The following L3HYPDH variants were observed in gnomAD, a reference collection of about 807,000 sequenced individuals.
The protein encoded by L3HYPDH is trans-L-3-hydroxyproline dehydratase, also known as trans-3-hydroxy-L-proline dehydratase.
L3HYPDH carries 32 observed loss-of-function variants against 26.5 expected under a neutral mutation model. The observed-to-expected ratio is 1.21, with a 90% CI of 0.91 to 1.62. L3HYPDH has a LOEUF of 1.62. Among genes scored for constraint, L3HYPDH ranks in the 40% most tolerant of loss-of-function variants. L3HYPDH has a pLI of 0.00. For missense variants in L3HYPDH, 554 were observed against 476.4 expected, an observed-to-expected ratio of 1.16 and a Z score of -1.52; for synonymous variants, 215 against 196.6, an observed-to-expected ratio of 1.09 and a Z score of -0.78.
the L3HYPDH span, among the ~76,000 whole-genome samples, chr14:59,493,363 A>G: frequency 6.6e-6 from 1 of 152,204 alleles, no homozygotes; most frequent in African/African-American, 2.4e-5. Flanking sequence ...GTCCTTTTAA[A>G]TGCTGCAGCA....
the L3HYPDH span, among the ~76,000 whole-genome samples, chr14:59,494,259 A>G: frequency 1.7e-5 from 2 of 118,926 alleles, no homozygotes; most frequent in South Asian, 2.2e-4. Context: ...AGGCTTCACA[A>G]AGAAAGTGAA....
intron 4 of L3HYPDH, chr14:59,475,285 C>A (rs1038704220): frequency 6.6e-6 from 1 of 151,904 alleles, no homozygotes; most frequent in Non-Finnish European, 1.5e-5. Context: ...GATTTGAGGA[C>A]CCCAAAGAGT....
At position 59,484,353 on chromosome 14, in the gene L3HYPDH, T is replaced by G. The variant is rs757830304; in HGVS notation, c.-37A>C. 18 of 1,548,008 alleles carry G rather than the reference T, an allele frequency of 1.2e-5. No individual in the cohort carries two copies. In the East Asian group the frequency reaches 3.6e-4, roughly 31 times the overall value. On this transcript the variant is annotated 5_prime_UTR_variant, in exon 1 of 5. Coordinates refer to ENST00000247194, the MANE Select transcript of L3HYPDH (RefSeq NM_144581.2). ...GGGGAGACGAGTACGGTCCCGCAGC[T>G]ATGGCTTCAAGCCCGACCCTCACCC...
chr14:59,484,465 A>G, upstream of L3HYPDH: 1 of 1,393,996 alleles, frequency 7.2e-7, no homozygotes, highest in Non-Finnish European at 9.8e-7. Context: ...GCGAGGGAGG[A>G]ACTTCGGAGC....
chr14:59,473,174 C>T, intron 4 of L3HYPDH, 84 bp from the exon 5 acceptor site: 1 of 1,312,656 alleles, frequency 7.6e-7, no homozygotes, highest in Non-Finnish European at 1.0e-6. Flanking sequence ...TGACTTTTAT[C>T]ATGTGAAGGA....
At position 59,483,935 on chromosome 14, in the gene L3HYPDH, T is replaced by C. The variant is rs749175968; in HGVS notation, c.382A>G (p.Thr128Ala). Reference protein sequence around the residue: ...FGLVPAPPAGTREARVNIHCP... With the variant: ...FGLVPAPPAGAREARVNIHCP... The stretch of plus-strand genomic sequence containing the variant: ...TGGATATTGACGCGGGCCTCGCGGG[T>C]GCCCGCAGGGGGCGCCGGCACAAGC... The change falls in exon 1 of 5, where the codon ACC (threonine) becomes GCC (alanine). Residue 128 changes from threonine (T) to alanine (A), a missense_variant. Physicochemically the swap from Thr to Ala is moderately conservative, Grantham distance 58 (BLOSUM62 0). Transcript: ENST00000247194. 1 of 1,555,274 alleles carries C rather than the reference T, an allele frequency of 6.4e-7. No individual in the cohort carries two copies.
chr14:59,466,633 T>G (rs1286665317), intron 1 of L3HYPDH, among the ~76,000 whole-genome samples: 2 of 152,004 alleles, frequency 1.3e-5, no homozygotes, highest in Non-Finnish European at 2.9e-5. Flanking sequence ...ACTAGTATAT[T>G]TGTAGATCTT....
At chr14:59,488,343 C>T (rs1009530791), upstream of L3HYPDH, among the ~76,000 whole-genome samples, 3 of 151,886 alleles carry the variant, frequency 2.0e-5, no homozygotes, top group Non-Finnish European at 4.4e-5. Flanking sequence ...GTGGAGAAAA[C>T]AAGTGTGTAC....
the L3HYPDH span, chr14:59,495,339 C>T: frequency 4.2e-6 from 3 of 711,752 alleles, no homozygotes; most frequent in South Asian, 3.7e-5. Context: ...CTGGGTCTGC[C>T]AGCGGCTTTA....
At chr14:59,484,922 G>C (rs1197444203), upstream of L3HYPDH, 4 of 1,456,844 alleles carry the variant, frequency 2.7e-6, no homozygotes, top group African/African-American at 5.7e-5. Flanking sequence ...GGGTGATAGT[G>C]CAGAAAAAAC....
chr14:59,479,030 C>T (rs977555004), intron 2 of L3HYPDH, 152 bp downstream of exon 2: 1 of 589,404 alleles, frequency 1.7e-6, no homozygotes, highest in East Asian at 3.3e-5. Context: ...GTGGGACAAG[C>T]TTGCTCTAGA....
At chr14:59,470,411 C>T (rs1372023611), downstream of L3HYPDH, among the ~76,000 whole-genome samples, 1 of 152,204 alleles carries the variant, frequency 6.6e-6, no homozygotes, top group Non-Finnish European at 1.5e-5. Flanking sequence ...CTATCTGTGT[C>T]TTTCAGGATT....
At chr14:59,465,530 G>C (rs931456862) in intron 1 of L3HYPDH, among the ~76,000 whole-genome samples, 1 of 152,262 alleles carries the variant, frequency 6.6e-6, no homozygotes, top group Admixed American at 6.5e-5. Context: ...AGAGTGCCAG[G>C]TCGACCTCCT....
Position 59,473,102 on chromosome 14 carries a change from TGAAG to T in L3HYPDH, c.940-16_940-13del, listed in dbSNP as rs764115512. The T allele has an allele frequency of 7.6e-6, 12 of 1,581,354 alleles. No individual in the cohort carries two copies. In the African/African-American group the frequency reaches 8.2e-5, roughly 11 times the overall value. On this transcript the variant is annotated splice_polypyrimidine_tract_variant and intron_variant, in intron 4 of 4. Coordinates refer to ENST00000247194, the MANE Select transcript of L3HYPDH (RefSeq NM_144581.2). The stretch of plus-strand genomic sequence containing the variant: ...CCACATTTCGCTTCCTGAAAAAAGA[TGAAG>T]GGAGTATACTATCAAAATATTGCAC...
the L3HYPDH span, chr14:59,500,775 A>G: frequency 2.6e-5 from 4 of 153,636 alleles, no homozygotes; most frequent in Non-Finnish European, 4.3e-5. Context: ...GGATGCCTTA[A>G]TAAGGCAAGG....
the L3HYPDH span, among the ~76,000 whole-genome samples, chr14:59,494,603 A>G: frequency 3.9e-5 from 6 of 152,242 alleles, no homozygotes; most frequent in Admixed American, 6.5e-5. Flanking sequence ...AGACAGAGGT[A>G]TGGATGGGGA....
chr14:59,477,264 T>C (rs1337514523), intron 2 of L3HYPDH, among the ~76,000 whole-genome samples: 2 of 152,230 alleles, frequency 1.3e-5, no homozygotes, highest in Non-Finnish European at 1.5e-5. Context: ...ATGTCTAACA[T>C]ATATACAGTA....
rs1276411764 is a variant in L3HYPDH, at chr14:59,479,169, G to A, written c.678+13C>T. ...GAGAAGGGAATTGGTTATGAAGGCA[G>A]AGTATTACTGACCTGAGCTTTCACT... On this transcript the variant is annotated intron_variant, in intron 2 of 4. Coordinates refer to ENST00000247194, the MANE Select transcript of L3HYPDH (RefSeq NM_144581.2). 1 of 1,581,384 alleles carries A rather than the reference G, an allele frequency of 6.3e-7. No homozygotes were observed. Among genetic ancestry groups the A allele is most frequent in the South Asian group, 1.2e-5 (1 of 85,724 alleles).
intron 4 of L3HYPDH, 137 bp downstream of exon 4, chr14:59,475,732 G>A: frequency 1.1e-6 from 1 of 950,722 alleles, no homozygotes; most frequent in Non-Finnish European, 1.6e-6. Context: ...TGTCCTAGTT[G>A]AAAAGAAGTT....
Sources: allele counts gnomAD v4.1 joint callset (sites outside exome capture counted in the v4.1 genomes callset), GRCh38; gene constraint gnomAD v4.1.1; transcripts MANE v1.5; gene names NCBI Gene and HGNC (gene_info 2026-07-23, HGNC 2026-07-21).